The following DLEC1 variants were observed in gnomAD, a reference collection of about 807,000 sequenced individuals.
DLEC1 encodes DLEC1 cilia and flagella associated protein.
DLEC1 carries 146 observed loss-of-function variants against 198.1 expected under a neutral mutation model. That is an observed-to-expected ratio of 0.74 (90% CI 0.64 to 0.85). The LOEUF is 0.85. Ranked by LOEUF, DLEC1 falls within the 40% of genes least tolerant of loss-of-function variation. The probability of loss-of-function intolerance (pLI) is 0.00; values close to 1 mark genes in which losing one functional copy is unlikely to be tolerated. For synonymous variants in DLEC1, 897 were observed against 866.8 expected (o/e 1.03, Z -0.61); for missense variants, 2,233 against 2,220.0 (o/e 1.01, Z -0.12).
At chr3:38,074,271 G>T (rs1246491338) in intron 6 of DLEC1, among the ~76,000 whole-genome samples, 1 of 152,228 alleles carries the variant, frequency 6.6e-6, no homozygotes, top group African/African-American at 2.4e-5. Context: ...CCATCTGGCT[G>T]CTTCCTCTCT....
Position 38,100,337 on chromosome 3 carries a change from G to T in DLEC1, c.2776G>T (p.Glu926Ter), listed in dbSNP as rs1313757718. 9 of 1,613,834 alleles carry T rather than the reference G, an allele frequency of 5.6e-6. No homozygotes were observed. The highest frequency in any genetic ancestry group is 2.7e-5 in the African/African-American group (2 of 74,930). Residue 926 changes from glutamate to a stop codon, truncating the protein, a stop_gained, in exon 19 of 37, where the codon GAG becomes TAG. Transcript: ENST00000308059. LOFTEE classifies it high-confidence loss of function. ...GAGTGGCCAGCTTCACTCTCTGGGGGAGTGCAGGGTGGACATCACCTTGGA... is the reference window on the plus strand; with the variant it reads ...GAGTGGCCAGCTTCACTCTCTGGGGTAGTGCAGGGTGGACATCACCTTGGA... ...PSSGQLHSLG[E>*]CRVDITLEAL...
Position 38,079,084 on chromosome 3 carries a change from G to A in DLEC1, c.1174-5074G>A, listed in dbSNP as rs1303363444. Among the ~76,000 whole-genome samples the A allele has an allele frequency of 2.8e-4, 43 of 152,200 alleles. No homozygotes were observed. In the South Asian group the frequency reaches 6.9e-3, roughly 24 times the overall value. ...GATGGTAAGGGGTGCATGATCGGTCGCCAAGGAGGGAGTAGAGGTATCTTA... is the reference window on the plus strand; with the variant it reads ...GATGGTAAGGGGTGCATGATCGGTCACCAAGGAGGGAGTAGAGGTATCTTA... On this transcript the variant is annotated intron_variant, in intron 6 of 36. Coordinates refer to ENST00000308059, the MANE Select transcript of DLEC1 (RefSeq NM_007335.4).
intron 9 of DLEC1, among the ~76,000 whole-genome samples, chr3:38,087,357 C>T (rs1334875121): frequency 7.6e-6 from 1 of 132,324 alleles, no homozygotes; most frequent in African/African-American, 2.6e-5. Context: ...TCAGCACTGA[C>T]ACCATCCATC....
In DLEC1 at chr3:38,096,569, T is replaced by C. The variant is rs769088488; in HGVS notation, c.2172T>C (p.Ser724=). The C allele has an allele frequency of 1.9e-6, 3 of 1,610,222 alleles. No individual in the cohort carries two copies. The highest frequency in any genetic ancestry group is 2.2e-4 in the Middle Eastern group (1 of 4,456). ...TAGCTAACGGTGGGTTTGTGTTTAGTTCAGAAGCGGAGAGCCTGGGGCACT... is the reference window on the plus strand; with the variant it reads ...TAGCTAACGGTGGGTTTGTGTTTAGCTCAGAAGCGGAGAGCCTGGGGCACT... ...MVLEEVPEPV[S]SEAESLGHSS... The change falls in exon 15 of 37, where the codon AGT becomes AGC. Residue 724 remains serine (S), a splice_region_variant and synonymous_variant. Transcript: ENST00000308059.
At chr3:38,122,004 T>TAA in intron 35 of DLEC1, 67 bp from the exon 36 acceptor site, 1 of 1,591,724 alleles carries the variant, frequency 6.3e-7, no homozygotes, top group Admixed American at 1.7e-5. Context: ...CGGGGGTGGG[T>TAA]AAAGTCTTCC....
rs776500026 is a variant in DLEC1, at chr3:38,117,891, G to A, written c.4571G>A (p.Arg1524Lys). ...CACTACTTCCGGCTTATGGTCTCCA[G>A]GCCCTTCTCCGTTTCTCAAGATGGG... is the stretch of plus-strand genomic sequence containing the variant. The part of the protein sequence containing the change: ...IPHYFRLMVS[R>K]PFSVSQDGAS... Residue 1524 changes from arginine (R) to lysine (K), a missense_variant, in exon 33 of 37, where the codon AGG becomes AAG. Physicochemically the swap from Arg to Lys is conservative, Grantham distance 26 (BLOSUM62 2). Coordinates refer to ENST00000308059, the MANE Select transcript of DLEC1 (RefSeq NM_007335.4). The A allele has an allele frequency of 3.1e-6, 5 of 1,614,166 alleles. No homozygotes were observed. The highest frequency in any genetic ancestry group is 4.2e-6 in the Non-Finnish European group (5 of 1,180,028).
chr3:38,039,851 C>T (rs1327428212), intron 1 of DLEC1, among the ~76,000 whole-genome samples: 3 of 152,266 alleles, frequency 2.0e-5, no homozygotes. Context: ...CAACGTGCGG[C>T]ATATATCTGT....
intron 6 of DLEC1, among the ~76,000 whole-genome samples, chr3:38,068,171 A>T (rs1697130846): frequency 6.6e-6 from 1 of 152,174 alleles, no homozygotes. Flanking sequence ...TAGATTACAA[A>T]CAAGTCACTA....
intron 31 of DLEC1, 107 bp downstream of exon 31, chr3:38,117,409 T>C: frequency 1.9e-6 from 3 of 1,597,134 alleles, no homozygotes; most frequent in Non-Finnish European, 2.6e-6. Context: ...CGGGCATGGG[T>C]GGAGAAGTCA....
intron 3 of DLEC1, among the ~76,000 whole-genome samples, chr3:38,060,523 CTGTT>C (rs1696623067): frequency 6.6e-6 from 1 of 151,810 alleles, no homozygotes; most frequent in Admixed American, 6.6e-5. Flanking sequence ...AGTTGAGGGA[CTGTT>C]TGATTCTCTG....
chr3:38,059,215 C>T (rs1009010481), intron 2 of DLEC1, among the ~76,000 whole-genome samples: 1 of 152,198 alleles, frequency 6.6e-6, no homozygotes, highest in East Asian at 1.9e-4. Flanking sequence ...CTCAGGTCTG[C>T]TCTGGATTCC....
rs754410789 is a variant in DLEC1 at position 38,121,758 on chromosome 3, G to A, written c.4997G>A (p.Arg1666Gln). 5.9e-5 allele frequency: 96 copies of A among 1,613,858 alleles called. No homozygotes were observed. The highest frequency in any genetic ancestry group is 1.6e-4 in the Middle Eastern group (1 of 6,082). The change falls in exon 35 of 37, where the codon CGA (arginine) becomes CAA (glutamine). Residue 1666 changes from arginine to glutamine, a missense_variant. Physicochemically the swap from Arg to Gln is conservative, Grantham distance 43. Transcript: ENST00000308059. ...TACCTGATGAACCTGAGCGGGTGCC[G>A]AAGCTACTGGACTATGCTGATGGGT... ...EVYLMNLSGC[R>Q]SYWTMLMGQQ...
chr3:38,100,493 T>C (rs1699251510), intron 19 of DLEC1, 68 bp downstream of exon 19: 2 of 1,440,232 alleles, frequency 1.4e-6, no homozygotes, highest in South Asian at 1.6e-5. Flanking sequence ...ATCTATATTA[T>C]ATATTTATCT....
In DLEC1 at chr3:38,039,687, T is replaced by G. The variant is rs547901009; in HGVS notation, c.411+51T>G. On this transcript the variant is annotated intron_variant, in intron 1 of 36. Coordinates refer to ENST00000308059, the MANE Select transcript of DLEC1 (RefSeq NM_007335.4). ...GCGGACGGTGCCGGGGTCTCAGCGC[T>G]CGGCACGCGTCAGCACCTGCCAGGT... The G allele has an allele frequency of 1.2e-4, 183 of 1,538,914 alleles. No individual in the cohort carries two copies. The South Asian group carries it at 2.1e-3, about 18-fold the overall frequency.
In DLEC1 at chr3:38,063,931, G is replaced by A. The variant is rs778699975; in HGVS notation, c.1173+12G>A. 2 of 1,565,244 alleles carry A rather than the reference G, an allele frequency of 1.3e-6. No homozygotes were observed. Among genetic ancestry groups the A allele is most frequent in the South Asian group, 2.3e-5 (2 of 88,258 alleles). ...GTCCAGTTTATGAGGTAGACATCTT[G>A]TTTCTTTACAGCTCCCACCCCATCT... is the stretch of plus-strand genomic sequence containing the variant. On this transcript the variant is annotated intron_variant, in intron 6 of 36. Coordinates refer to ENST00000308059, the MANE Select transcript of DLEC1 (RefSeq NM_007335.4).
rs371165924 is a variant in DLEC1 at position 38,064,010 on chromosome 3, T to TTC, written c.1173+92_1173+93insCT. 1.4e-4 allele frequency: 115 copies of TTC among 833,282 alleles called. No individual in the cohort carries two copies. In the African/African-American group the frequency reaches 1.9e-3, roughly 14 times the overall value. The allele number at this position is 833,282 out of a possible 1,614,324, so 51.6% of individuals were successfully genotyped here. A position where few individuals can be genotyped will look rare whatever the true frequency, so the allele number is the denominator to read the frequency against. On this transcript the variant is annotated intron_variant, in intron 6 of 36. Coordinates refer to ENST00000308059, the MANE Select transcript of DLEC1 (RefSeq NM_007335.4). Reference sequence around the variant, plus strand: ...ATGGAAATTTTCTTTTTTTTTTCTTTTTTTTTTTTTTTTTAGTATTTATTG... The same window carrying TTC: ...ATGGAAATTTTCTTTTTTTTTTCTTTTCTTTTTTTTTTTTTTAGTATTTATTG...
chr3:38,062,112 G>A, intron 3 of DLEC1, 57 bp from the exon 4 acceptor site: 1 of 1,586,408 alleles, frequency 6.3e-7, no homozygotes, highest in South Asian at 1.1e-5. Flanking sequence ...GTCATCTTAG[G>A]AATGCCCACC....
At chr3:38,082,178 T>C (rs1698074621) in intron 6 of DLEC1, among the ~76,000 whole-genome samples, 1 of 136,354 alleles carries the variant, frequency 7.3e-6, no homozygotes. Context: ...GCAGAGGCGC[T>C]CCCCACATCT....
chr3:38,057,560 GAAAA>G (rs994460899), intron 2 of DLEC1, among the ~76,000 whole-genome samples: 2 of 152,128 alleles, frequency 1.3e-5, no homozygotes, highest in African/African-American at 4.8e-5. Context: ...CGCAAAGAAA[GAAAA>G]TTCAGGCGGA....
Sources: allele counts gnomAD v4.1 joint callset (sites outside exome capture counted in the v4.1 genomes callset), GRCh38; gene constraint gnomAD v4.1.1; transcripts MANE v1.5; gene names NCBI Gene and HGNC (gene_info 2026-07-23, HGNC 2026-07-21).